The following GALNTL6 variants were observed in gnomAD, a reference collection of about 807,000 sequenced individuals.
GALNTL6 encodes polypeptide N-acetylgalactosaminyltransferase like 6.
In GALNTL6, 46 loss-of-function variants were observed where a neutral mutation model predicts 73.7. The ratio of observed to expected loss-of-function variants is 0.62; its 90% CI spans 0.49 to 0.80. The LOEUF is 0.80. Ranked by LOEUF, GALNTL6 falls within the 30% of genes least tolerant of loss-of-function variation. The pLI is 0.00. For missense variants in GALNTL6, 604 were observed against 755.0 expected (o/e 0.80, Z 2.34); for synonymous variants, 259 against 263.7 (o/e 0.98, Z 0.17).
intron 8 of GALNTL6, among the ~76,000 whole-genome samples, chr4:172,922,263 C>T (rs2111295414): frequency 6.6e-6 from 1 of 152,286 alleles, no homozygotes; most frequent in Admixed American, 6.5e-5. Context: ...TCAGGTATGT[C>T]TTTATCAGCA....
chr4:172,761,800 G>C (rs1286050592), intron 5 of GALNTL6, among the ~76,000 whole-genome samples: 3 of 151,922 alleles, frequency 2.0e-5, no homozygotes, highest in Non-Finnish European at 4.4e-5. Flanking sequence ...TTCCTGTTAA[G>C]CCTGTAGAAC....
At chr4:172,620,088 C>T (rs1242528733) in intron 5 of GALNTL6, among the ~76,000 whole-genome samples, 1 of 152,050 alleles carries the variant, frequency 6.6e-6, no homozygotes, top group Non-Finnish European at 1.5e-5. Context: ...TGTTTTTAGT[C>T]TGCATTTACT....
At chr4:171,852,504 A>T (rs964700335) in intron 2 of GALNTL6, among the ~76,000 whole-genome samples, 1 of 136,402 alleles carries the variant, frequency 7.3e-6, no homozygotes, top group Non-Finnish European at 1.6e-5. Context: ...TCGCTGTCTA[A>T]ATATTAGCTT....
intron 5 of GALNTL6, among the ~76,000 whole-genome samples, chr4:172,414,785 A>G (rs745917350): frequency 3.9e-5 from 6 of 152,132 alleles, no homozygotes; most frequent in African/African-American, 9.7e-5. Flanking sequence ...TTTACTCATC[A>G]TATGGTTTTA....
At chr4:172,725,962 C>T (rs570349118) in intron 5 of GALNTL6, among the ~76,000 whole-genome samples, 1 of 152,274 alleles carries the variant, frequency 6.6e-6, no homozygotes, top group East Asian at 1.9e-4. Flanking sequence ...TAGAACACTG[C>T]CTGGAATGTT....
At position 172,637,935 on chromosome 4, in the gene GALNTL6, T is replaced by C. The variant is rs79525062; in HGVS notation, c.554-171426T>C. 6.5e-3 allele frequency among the ~76,000 whole-genome samples: 997 copies of C among 152,278 alleles called. 11 individuals carry two copies. The highest frequency in any genetic ancestry group is 0.023 in the African/African-American group (959 of 41,580). On this transcript the variant is annotated intron_variant, in intron 5 of 12. Coordinates refer to ENST00000506823, the MANE Select transcript of GALNTL6 (RefSeq NM_001034845.3). ...TTTGTCCTCTTTTATTACCCATCCC[T>C]GATTCCTAAACCTTTTCTATTGTGT...
intron 5 of GALNTL6, among the ~76,000 whole-genome samples, chr4:172,708,575 A>T (rs559601257): frequency 7.2e-5 from 11 of 152,214 alleles, no homozygotes; most frequent in Non-Finnish European, 1.3e-4. Flanking sequence ...CAAAATAAGA[A>T]TTGTCATAAT....
At chr4:171,874,405 G>T (rs1204091907) in intron 2 of GALNTL6, among the ~76,000 whole-genome samples, 23 of 152,058 alleles carry the variant, frequency 1.5e-4, no homozygotes, top group Non-Finnish European at 3.4e-4. Flanking sequence ...GGCCAGGCTG[G>T]TCTTGAACTC....
chr4:172,480,758 A>T, intron 5 of GALNTL6, among the ~76,000 whole-genome samples: 1 of 152,158 alleles, frequency 6.6e-6, no homozygotes, highest in East Asian at 1.9e-4. Context: ...TAGGCAGGCA[A>T]CTTGCTGAGT....
chr4:171,815,537 C>A (rs181501068), intron 2 of GALNTL6: 2 of 152,314 alleles, frequency 1.3e-5, no homozygotes, highest in Admixed American at 1.3e-4. Flanking sequence ...TGTCGAATTC[C>A]TTGTTTGTTA....
intron 5 of GALNTL6, among the ~76,000 whole-genome samples, chr4:172,452,357 T>C (rs1732244405): frequency 6.8e-6 from 1 of 147,914 alleles, no homozygotes; most frequent in Admixed American, 6.7e-5. Flanking sequence ...AAAACAAAAC[T>C]AAAACAGCAG....
chr4:172,691,302 A>C (rs1733273044), intron 5 of GALNTL6, among the ~76,000 whole-genome samples: 1 of 152,208 alleles, frequency 6.6e-6, no homozygotes, highest in African/African-American at 2.4e-5. Flanking sequence ...AAGATTGATA[A>C]ATAAGGTTGA....
At chr4:172,537,181 GTTGGGAAGGCACGA>G (rs1225923885) in intron 5 of GALNTL6, among the ~76,000 whole-genome samples, 1 of 152,196 alleles carries the variant, frequency 6.6e-6, no homozygotes, top group East Asian at 1.9e-4. Context: ...TTGGAGGACT[GTTGGGAAGGCACGA>G]TTGTGTTTTG....
chr4:172,176,105 C>T (rs1423358629), intron 2 of GALNTL6, among the ~76,000 whole-genome samples: 3 of 151,706 alleles, frequency 2.0e-5, no homozygotes, highest in Non-Finnish European at 4.4e-5. Flanking sequence ...TTTGGGAGGC[C>T]GAGGTGGGCG....
chr4:172,137,439 T>G (rs544020926), intron 2 of GALNTL6, among the ~76,000 whole-genome samples: 1 of 152,346 alleles, frequency 6.6e-6, no homozygotes, highest in South Asian at 2.1e-4. Context: ...GGTAATAGTT[T>G]CTTCTTCAGT....
At chr4:172,693,644 G>A (rs957435517) in intron 5 of GALNTL6, among the ~76,000 whole-genome samples, 1 of 152,092 alleles carries the variant, frequency 6.6e-6, no homozygotes, top group African/African-American at 2.4e-5. Context: ...CGCACTCAAG[G>A]CTCCACCTAT....
chr4:172,251,375 A>C (rs1404937230), intron 3 of GALNTL6, among the ~76,000 whole-genome samples: 3 of 152,162 alleles, frequency 2.0e-5, no homozygotes, highest in Non-Finnish European at 4.4e-5. Flanking sequence ...TCACAAAAAC[A>C]TCCATAATAA....
At chr4:172,353,137 C>T (rs1175902523) in intron 5 of GALNTL6, among the ~76,000 whole-genome samples, 1 of 152,002 alleles carries the variant, frequency 6.6e-6, no homozygotes, top group Non-Finnish European at 1.5e-5. Context: ...CACTGTCATG[C>T]ATTTTAAAAT....
rs13132519 is a variant in GALNTL6 at position 172,459,201 on chromosome 4, T to C, written c.553+110512T>C. Among the ~76,000 whole-genome samples the C allele has an allele frequency of 9.9e-3, 1,509 of 152,106 alleles. 8 individuals are homozygous for C. The highest frequency in any genetic ancestry group is 0.017 in the Non-Finnish European group (1,184 of 67,936). On this transcript the variant is annotated intron_variant, in intron 5 of 12. Coordinates refer to ENST00000506823, the MANE Select transcript of GALNTL6 (RefSeq NM_001034845.3). The stretch of plus-strand genomic sequence containing the variant: ...AAAACTCTCAATAAACTAACCAGTG[T>C]TGGAATGTATCTCAAAATAATAAGA...
Sources: allele counts gnomAD v4.1 joint callset (sites outside exome capture counted in the v4.1 genomes callset), GRCh38; gene constraint gnomAD v4.1.1; transcripts MANE v1.5; gene names NCBI Gene and HGNC (gene_info 2026-07-23, HGNC 2026-07-21).